EEF2K: variants seen among roughly 807,000 people sequenced by gnomAD.
EEF2K encodes the protein eukaryotic elongation factor 2 kinase.
Under a neutral mutation model 93.8 loss-of-function variants are expected in EEF2K, and 70 were observed. That is an observed-to-expected ratio of 0.75 (90% CI 0.62 to 0.91). EEF2K has a LOEUF of 0.91. EEF2K is among the 40% of genes least tolerant of loss of function. EEF2K has a pLI of 0.00. For missense variants in EEF2K, 935 were observed against 972.9 expected, an observed-to-expected ratio of 0.96 and a Z score of 0.52; for synonymous variants, 376 against 380.8, an observed-to-expected ratio of 0.99 and a Z score of 0.15.
Position 22,280,268 on chromosome 16 carries a change from G to C in EEF2K, c.1960G>C (p.Gly654Arg), listed in dbSNP as rs746995048. The change falls in exon 17 of 18, where the codon GGT (glycine) becomes CGT (arginine). Residue 654 changes from glycine (G) to arginine (R), a missense_variant. Gly to Arg is a moderately radical substitution (Grantham distance 125). Coordinates refer to ENST00000263026, the MANE Select transcript of EEF2K (RefSeq NM_013302.5). Reference protein sequence around the residue: ...ALEMTDCDEGGEYDGMQDEPR... With the variant: ...ALEMTDCDEGREYDGMQDEPR... ...GGAGATGACGGACTGTGATGAGGGC[G>C]GTGAGTACGACGGAATGCAGGACGA... The C allele has an allele frequency of 1.2e-6, 2 of 1,607,298 alleles. No homozygotes were observed. The highest frequency in any genetic ancestry group is 1.3e-5 in the African/African-American group (1 of 74,534).
intron 5 of EEF2K, 97 bp from the exon 6 acceptor site, chr16:22,251,054 C>A: frequency 1.4e-6 from 2 of 1,462,216 alleles, no homozygotes; most frequent in Admixed American, 2.1e-5. Context: ...AGCCACCCAG[C>A]CACATCAGAC....
At chr16:22,240,813 A>G (rs1377673572) in intron 2 of EEF2K, among the ~76,000 whole-genome samples, 2 of 152,034 alleles carry the variant, frequency 1.3e-5, no homozygotes, top group Non-Finnish European at 2.9e-5. Context: ...TGTGTCGCCC[A>G]GGCTGGAGTG....
At chr16:22,257,894 G>A (rs1399040038) in intron 9 of EEF2K, 124 bp downstream of exon 9, 2 of 1,429,028 alleles carry the variant, frequency 1.4e-6, no homozygotes, top group Non-Finnish European at 1.9e-6. Context: ...ACCAGGGCTG[G>A]AAGCATCTGT....
At chr16:22,263,413 A>G (rs2047486299) in intron 12 of EEF2K, 1 of 250,164 alleles carries the variant, frequency 4.0e-6, no homozygotes, top group South Asian at 4.9e-5. Flanking sequence ...GTTCGAGACC[A>G]GCCTGGCCAA....
intron 15 of EEF2K, among the ~76,000 whole-genome samples, chr16:22,269,966 T>C (rs1002481732): frequency 6.6e-6 from 1 of 151,682 alleles, no homozygotes; most frequent in Non-Finnish European, 1.5e-5. Flanking sequence ...TTTTTTTTTT[T>C]TTTTAATTTG....
intron 16 of EEF2K, among the ~76,000 whole-genome samples, chr16:22,277,464 A>G (rs1434690653): frequency 1.3e-5 from 2 of 152,170 alleles, no homozygotes; most frequent in Non-Finnish European, 2.9e-5. Context: ...AGTCAAGATT[A>G]TTTCCTGAGC....
chr16:22,266,114 C>T (rs1429888397), intron 13 of EEF2K, among the ~76,000 whole-genome samples: 2 of 151,762 alleles, frequency 1.3e-5, no homozygotes, highest in Admixed American at 6.6e-5. Flanking sequence ...CCCAGCTACT[C>T]GGGAAGCTGA....
rs71151665 is a variant in EEF2K, at chr16:22,236,934, C to CTTT, written c.247-7670_247-7668dup. Among the ~76,000 whole-genome samples the CTTT allele has an allele frequency of 1.5e-3, 86 of 56,228 alleles. 14 individuals carry two copies. The highest frequency in any genetic ancestry group is 4.5e-3 in the South Asian group (5 of 1,116). The allele number at this position is 56,228 out of a possible 152,430, so 36.9% of individuals were successfully genotyped here. On this transcript the variant is annotated intron_variant, in intron 2 of 17. Transcript: ENST00000263026. ...TTTTTTATGAAATATCCACAGACCT[C>CTTT]TTTTTTTTTTTTTTTTTTTTTTTTT...
At chr16:22,235,407 A>T (rs2047158314) in intron 2 of EEF2K, among the ~76,000 whole-genome samples, 1 of 152,102 alleles carries the variant, frequency 6.6e-6, no homozygotes, top group East Asian at 1.9e-4. Context: ...GTAAATATGG[A>T]TGTAGTGTCT....
At position 22,280,641 on chromosome 16, in the gene EEF2K, G is replaced by A. The variant is rs371950584; in HGVS notation, c.2068+265G>A. On this transcript the variant is annotated intron_variant, in intron 17 of 17. Transcript: ENST00000263026. ...ATCTTAAAGTATATAGTTTAGTAGG[G>A]GGGTTTTCCTTTCCTTTCTTTCTTT... Among the ~76,000 whole-genome samples, 295 of 151,824 alleles carry A rather than the reference G, an allele frequency of 1.9e-3. 7 individuals carry two copies. In the South Asian group the frequency reaches 0.06, roughly 31 times the overall value.
Position 22,266,740 on chromosome 16 carries a change from G to A in EEF2K, c.1628G>A (p.Gly543Asp), listed in dbSNP as rs1055187195. ...GAGGGTGGGCGCTTCTGCGAGAAGGGCGAGGAGTGGGACCAGGAGTCGGCT... is the reference window on the plus strand; with the variant it reads ...GAGGGTGGGCGCTTCTGCGAGAAGGACGAGGAGTGGGACCAGGAGTCGGCT... ...YHEGGRFCEK[G>D]EEWDQESAVF... Residue 543 changes from glycine to aspartate, a missense_variant, in exon 15 of 18, where the codon GGC becomes GAC. Coordinates refer to ENST00000263026, the MANE Select transcript of EEF2K (RefSeq NM_013302.5). 1 of 1,614,160 alleles carries A rather than the reference G, an allele frequency of 6.2e-7. No individual in the cohort carries two copies. The highest frequency in any genetic ancestry group is 8.5e-7 in the Non-Finnish European group (1 of 1,180,020).
intron 1 of EEF2K, among the ~76,000 whole-genome samples, chr16:22,222,865 A>AG (rs1271646564): frequency 6.9e-6 from 1 of 144,052 alleles, no homozygotes; most frequent in African/African-American, 2.8e-5. Flanking sequence ...CCTGGGTGAC[A>AG]GGGTGAGACT....
chr16:22,280,605 C>G (rs997986282), intron 17 of EEF2K, among the ~76,000 whole-genome samples: 1 of 150,762 alleles, frequency 6.6e-6, no homozygotes, highest in Non-Finnish European at 1.5e-5. Flanking sequence ...ATTTTCATAA[C>G]AAAATTCACC....
chr16:22,212,290 T>TG (rs2046922177), intron 1 of EEF2K, among the ~76,000 whole-genome samples: 1 of 152,138 alleles, frequency 6.6e-6, no homozygotes, highest in Non-Finnish European at 1.5e-5. Flanking sequence ...TGCAGCAGGT[T>TG]GCTGTTTACA....
At position 22,244,269 on chromosome 16, in the gene EEF2K, TTGTGTGTGTGTG is replaced by T. The variant is rs200282636; in HGVS notation, c.247-331_247-320del. On this transcript the variant is annotated intron_variant, in intron 2 of 17. Coordinates refer to ENST00000263026, the MANE Select transcript of EEF2K (RefSeq NM_013302.5). ...GTTATATTCTGTTTCTATATATGTATTGTGTGTGTGTGTGTGTGTGTGTGTGTGTGTGTGTGT... is the reference window on the plus strand; with the variant it reads ...GTTATATTCTGTTTCTATATATGTATTGTGTGTGTGTGTGTGTGTGTGTGT... Among the ~76,000 whole-genome samples, 468 of 140,128 alleles carry T rather than the reference TTGTGTGTGTGTG, an allele frequency of 3.3e-3. 2 individuals carry two copies. Among genetic ancestry groups the T allele is most frequent in the African/African-American group, 9.8e-3 (373 of 38,156 alleles). 91.9% of individuals were successfully genotyped at this position (140,128 alleles called of 152,430 possible). A position where few individuals can be genotyped will look rare whatever the true frequency, so the allele number is the denominator to read the frequency against.
intron 3 of EEF2K, among the ~76,000 whole-genome samples, chr16:22,245,805 A>C (rs1044773854): frequency 6.6e-6 from 1 of 151,944 alleles, no homozygotes; most frequent in Non-Finnish European, 1.5e-5. Flanking sequence ...AATTTAACCT[A>C]CTGTACCCTT....
chr16:22,237,380 G>C (rs1370684457), intron 2 of EEF2K, among the ~76,000 whole-genome samples: 4 of 151,452 alleles, frequency 2.6e-5, no homozygotes, highest in African/African-American at 7.3e-5. Flanking sequence ...GCTTATGTCT[G>C]TAATCCCAGC....
intron 13 of EEF2K, chr16:22,265,328 T>C (rs2047506643): frequency 1.2e-5 from 2 of 162,512 alleles, no homozygotes; most frequent in Non-Finnish European, 2.7e-5. Flanking sequence ...AAAGACCAGC[T>C]CTGTGCCCCA....
intron 16 of EEF2K, among the ~76,000 whole-genome samples, chr16:22,275,252 C>T (rs7205095): frequency 0.23 from 35,208 of 151,978 alleles, 7,876 homozygotes; most frequent in African/African-American, 0.59. Flanking sequence ...TTTTTATTGA[C>T]TTGTAAAAGT....
Sources: gnomAD v4.1 joint callset for allele counts (sites outside exome capture counted in the v4.1 genomes callset) on GRCh38, gnomAD v4.1.1 for gene constraint, MANE v1.5 for transcripts, NCBI Gene and HGNC (gene_info 2026-07-23, HGNC 2026-07-21) for gene names.